The following PCSK5 variants were observed in gnomAD, a reference collection of about 807,000 sequenced individuals.
The protein encoded by PCSK5 is proprotein convertase subtilisin/kexin type 5.
PCSK5 carries 129 observed loss-of-function variants against 233.2 expected under a neutral mutation model. The ratio of observed to expected loss-of-function variants is 0.55; its 90% CI spans 0.48 to 0.64. PCSK5 has a LOEUF of 0.64. Among genes scored for constraint, PCSK5 ranks in the 30% least tolerant of loss-of-function variants. The pLI, the probability that PCSK5 is intolerant of heterozygous loss-of-function variation, is 0.00. For missense variants in PCSK5, 2,076 were observed against 2,430.1 expected, an observed-to-expected ratio of 0.85 and a Z score of 3.06; for synonymous variants, 825 against 879.2, an observed-to-expected ratio of 0.94 and a Z score of 1.09.
At chr9:76,255,672 ATT>A (rs879264409) in intron 24 of PCSK5, among the ~76,000 whole-genome samples, 7 of 150,884 alleles carry the variant, frequency 4.6e-5, no homozygotes, top group African/African-American at 1.5e-4. Flanking sequence ...CTACAAATAA[ATT>A]TTTTTTTTAA....
chr9:75,896,721 T>C (rs894800836), intron 1 of PCSK5, among the ~76,000 whole-genome samples: 1 of 145,076 alleles, frequency 6.9e-6, no homozygotes, highest in African/African-American at 2.4e-5. Context: ...CACACATATA[T>C]ACACATATAC....
intron 2 of PCSK5, among the ~76,000 whole-genome samples, chr9:75,982,001 T>C (rs1424964132): frequency 2.6e-5 from 4 of 152,244 alleles, no homozygotes; most frequent in African/African-American, 9.6e-5. Flanking sequence ...CCACTAGTTT[T>C]CTACCTAGAA....
chr9:76,046,545 TTTTC>T (rs1290064119), intron 5 of PCSK5, among the ~76,000 whole-genome samples: 2 of 146,728 alleles, frequency 1.4e-5, no homozygotes, highest in East Asian at 3.9e-4. Flanking sequence ...AGTTCTTTTT[TTTTC>T]TTTCTTTTTC....
Position 76,034,492 on chromosome 9 carries a change from C to T in PCSK5, c.632+7455C>T, listed in dbSNP as rs12344643. On this transcript the variant is annotated intron_variant, in intron 5 of 37. Transcript: ENST00000674117. ...TCCTTATTATCGAGTCTATTCTACT[C>T]TATGTATCCCCTCCTCTTCTTCCTC... Among the ~76,000 whole-genome samples the T allele has an allele frequency of 5.0e-3, 759 of 152,264 alleles. 9 individuals carry two copies. Among genetic ancestry groups the T allele is most frequent in the African/African-American group, 0.017 (712 of 41,554 alleles).
intron 1 of PCSK5, among the ~76,000 whole-genome samples, chr9:75,929,512 C>T (rs1823677947): frequency 6.6e-6 from 1 of 151,690 alleles, no homozygotes; most frequent in African/African-American, 2.4e-5. Flanking sequence ...CTACTTGAGA[C>T]ACAAACTATG....
At chr9:76,169,984 T>G (rs1823262472) in intron 13 of PCSK5, 144 bp downstream of exon 13, 3 of 662,712 alleles carry the variant, frequency 4.5e-6, no homozygotes, top group Admixed American at 2.7e-5. Flanking sequence ...CTGCATGTAT[T>G]TCAGTTCTCA....
At chr9:76,176,021 CAAAAA>C (rs5898456) in intron 14 of PCSK5, among the ~76,000 whole-genome samples, 3 of 147,636 alleles carry the variant, frequency 2.0e-5, no homozygotes, top group Non-Finnish European at 3.0e-5. Flanking sequence ...GTTGTTTTGA[CAAAAA>C]AAAAAACTAT....
chr9:76,303,229 A>G (rs1276042483), intron 28 of PCSK5, among the ~76,000 whole-genome samples: 1 of 152,082 alleles, frequency 6.6e-6, no homozygotes, highest in African/African-American at 2.4e-5. Flanking sequence ...TTAAGGGACA[A>G]GGTTTCACCA....
At chr9:75,904,057 TG>T (rs1054578755) in intron 1 of PCSK5, among the ~76,000 whole-genome samples, 1 of 152,156 alleles carries the variant, frequency 6.6e-6, no homozygotes, top group African/African-American at 2.4e-5. Context: ...TTTTTAACTA[TG>T]GGGCGTCTTT....
chr9:76,348,637 T>G (rs1420562691), intron 35 of PCSK5, among the ~76,000 whole-genome samples: 1 of 152,132 alleles, frequency 6.6e-6, no homozygotes, highest in Non-Finnish European at 1.5e-5. Context: ...ACTTAATCCT[T>G]TTTGTGGTAA....
chr9:75,900,603 C>G (rs1289625664), intron 1 of PCSK5, among the ~76,000 whole-genome samples: 3 of 148,284 alleles, frequency 2.0e-5, no homozygotes, highest in Non-Finnish European at 4.5e-5. Context: ...TGCTTGAGCC[C>G]GGGAGGCTGA....
chr9:76,178,025 C>T (rs1406959304), intron 14 of PCSK5, among the ~76,000 whole-genome samples: 1 of 151,868 alleles, frequency 6.6e-6, no homozygotes, highest in South Asian at 2.1e-4. Flanking sequence ...TTTGGAGCTG[C>T]AATTTTCACC....
chr9:76,026,237 G>A (rs1389615175), intron 4 of PCSK5, among the ~76,000 whole-genome samples: 1 of 152,118 alleles, frequency 6.6e-6, no homozygotes, highest in Non-Finnish European at 1.5e-5. Flanking sequence ...AGTTTTAAAA[G>A]CAAACAAGCA....
chr9:76,221,108 G>T (rs1284566883), intron 20 of PCSK5, among the ~76,000 whole-genome samples: 6 of 152,272 alleles, frequency 3.9e-5, no homozygotes, highest in Admixed American at 3.9e-4. Context: ...AAAACAAACT[G>T]CTTGTAAAAT....
chr9:76,328,218 C>A lies in PCSK5; in HGVS notation c.4549C>A (p.Pro1517Thr), dbSNP rs1379710886. ...GGCGGAGGACCAGTGTCAAACATGC[C>A]CCATGAACAGCCTTCTTCTCAGTGA... ...GPAEDQCQTC[P>T]MNSLLLNTTC... The change falls in exon 33 of 38, where the codon CCC becomes ACC. Residue 1517 changes from proline to threonine, a missense_variant. This residue lies in a region of PCSK5 where 1,510 missense variants were observed against 1,538.1 expected (regional missense o/e 0.98). Transcript: ENST00000674117. 1 of 1,612,050 alleles carries A rather than the reference C, an allele frequency of 6.2e-7. No individual in the cohort carries two copies. Among genetic ancestry groups the A allele is most frequent in the Non-Finnish European group, 8.5e-7 (1 of 1,179,272 alleles).
chr9:76,196,185 C>T (rs1824690985), intron 20 of PCSK5, among the ~76,000 whole-genome samples: 4 of 152,218 alleles, frequency 2.6e-5, no homozygotes, highest in Non-Finnish European at 5.9e-5. Flanking sequence ...TCAGATTGTA[C>T]AGACGCTGGA....
intron 12 of PCSK5, among the ~76,000 whole-genome samples, chr9:76,159,870 T>G (rs892394311): frequency 7.1e-6 from 1 of 140,574 alleles, no homozygotes. Flanking sequence ...GTCTCCAGGC[T>G]GGAGTGCGGT....
At chr9:76,050,883 C>G (rs752269889) in intron 5 of PCSK5, among the ~76,000 whole-genome samples, 2,101 of 152,256 alleles carry the variant, frequency 0.014, 26 homozygotes, top group Non-Finnish European at 0.02. Flanking sequence ...GAACAATTTT[C>G]TGCTCCTCCC....
rs1415257269 is a variant in PCSK5 at position 76,101,156 on chromosome 9, A to C, written c.1107+5054A>C. ...TGTTTTTCGCACTACAATGGAAACTACTTGAGGATGAAGACCGTGTTTTGT... is the reference window on the plus strand; with the variant it reads ...TGTTTTTCGCACTACAATGGAAACTCCTTGAGGATGAAGACCGTGTTTTGT... On this transcript the variant is annotated intron_variant, in intron 8 of 37. Coordinates refer to ENST00000674117, the MANE Select transcript of PCSK5 (RefSeq NM_001372043.1). 2.0e-5 allele frequency among the ~76,000 whole-genome samples: 3 copies of C among 152,158 alleles called. No individual in the cohort carries two copies. The East Asian group carries it at 5.8e-4, about 29-fold the overall frequency.
Sources: allele counts gnomAD v4.1 joint callset (sites outside exome capture counted in the v4.1 genomes callset), GRCh38; gene constraint gnomAD v4.1.1; regional missense constraint gnomAD v4.1.1; transcripts MANE v1.5; gene names NCBI Gene and HGNC (gene_info 2026-07-23, HGNC 2026-07-21).